SMPD4: variants seen among roughly 807,000 people sequenced by gnomAD.
SMPD4 encodes the protein neutral sphingomyelinase 3.
A neutral mutation model predicts 97.8 loss-of-function variants in SMPD4; 58 were observed. That is an observed-to-expected ratio of 0.59 (90% CI 0.48 to 0.74). The LOEUF is 0.74. Ranked by LOEUF, SMPD4 falls within the 30% of genes least tolerant of loss-of-function variation. The pLI is 0.00. For synonymous variants in SMPD4, 388 were observed against 450.0 expected, an observed-to-expected ratio of 0.86 and a Z score of 1.74; for missense variants, 853 against 1,080.5, an observed-to-expected ratio of 0.79 and a Z score of 2.95.
intron 13 of SMPD4, 24 bp from the exon 14 acceptor site, chr2:130,156,159 G>A (rs1441604390): frequency 1.3e-6 from 2 of 1,584,652 alleles, no homozygotes; most frequent in Admixed American, 1.7e-5. Flanking sequence ...GTGTGCTAAG[G>A]GCTCCGTGGC....
intron 11 of SMPD4, among the ~76,000 whole-genome samples, chr2:130,159,916 T>C (rs1303237057): frequency 1.3e-5 from 2 of 152,106 alleles, no homozygotes; most frequent in Non-Finnish European, 2.9e-5. Flanking sequence ...TTCCGAAGGG[T>C]CTGGAGGGCC....
At chr2:130,176,396 G>C (rs528855634) in intron 2 of SMPD4, among the ~76,000 whole-genome samples, 158 bp downstream of exon 2, 85 of 152,298 alleles carry the variant, frequency 5.6e-4, no homozygotes, top group Non-Finnish European at 1.1e-3. Flanking sequence ...GTAGTAATAA[G>C]GAGGCACAGT....
At chr2:130,181,165 G>C (rs375080112) in intron 1 of SMPD4, 22 of 737,652 alleles carry the variant, frequency 3.0e-5, no homozygotes, top group Non-Finnish European at 3.9e-5. Flanking sequence ...GCACACAGGG[G>C]AAGGGTCGAG....
Position 130,161,205 on chromosome 2 carries a change from T to C in SMPD4, c.932A>G (p.Gln311Arg). ...ALYSPAQPSL[Q>R]ALHAYQESFT... Reference sequence around the variant, plus strand: ...CAGTACTTGGTAGGCGTGGAGGGCCTGGAGGCTGGGTTGGGCGGGGCTGTA... The same window carrying C: ...CAGTACTTGGTAGGCGTGGAGGGCCCGGAGGCTGGGTTGGGCGGGGCTGTA... Residue 311 changes from glutamine to arginine, a missense_variant, in exon 11 of 20, where the codon CAG becomes CGG. By Grantham distance (43) the Gln-to-Arg change is conservative. Coordinates refer to ENST00000680298, the MANE Select transcript of SMPD4 (RefSeq NM_017951.5). 1 of 1,613,502 alleles carries C rather than the reference T, an allele frequency of 6.2e-7. No individual in the cohort carries two copies. Among genetic ancestry groups the C allele is most frequent in the African/African-American group, 1.3e-5 (1 of 74,992 alleles).
At chr2:130,161,301 A>AGAG (rs1387328199) in intron 10 of SMPD4, 29 bp from the exon 11 acceptor site, 11 of 1,602,490 alleles carry the variant, frequency 6.9e-6, no homozygotes, top group Non-Finnish European at 8.6e-6. Flanking sequence ...AGATGCCGGA[A>AGAG]GAGGCCGAAG....
chr2:130,161,298 G>C (rs373161005), intron 10 of SMPD4, 26 bp from the exon 11 acceptor site: 54 of 1,606,382 alleles, frequency 3.4e-5, no homozygotes, highest in Non-Finnish European at 4.4e-5. Context: ...GAGAGATGCC[G>C]GAAGAGGCCG....
At chr2:130,177,211 G>A (rs1159395501) in intron 1 of SMPD4, among the ~76,000 whole-genome samples, 4 of 152,204 alleles carry the variant, frequency 2.6e-5, no homozygotes, top group African/African-American at 9.7e-5. Context: ...CTCCCAACTA[G>A]CGGGAACTAC....
chr2:130,167,120 TTTTTC>T (rs369943630), intron 9 of SMPD4, among the ~76,000 whole-genome samples: 2 of 151,266 alleles, frequency 1.3e-5, no homozygotes, highest in African/African-American at 4.8e-5. Flanking sequence ...GTTTCTTTTC[TTTTTC>T]TTTTTTTTTT....
chr2:130,172,084 AAC>A (rs1429191154), intron 8 of SMPD4, among the ~76,000 whole-genome samples: 1 of 152,186 alleles, frequency 6.6e-6, no homozygotes, highest in Admixed American at 6.5e-5. Context: ...CTCCATGCAC[AAC>A]ACAGCCCATT....
At chr2:130,159,035 T>A (rs1687130954) in intron 11 of SMPD4, among the ~76,000 whole-genome samples, 2 of 152,112 alleles carry the variant, frequency 1.3e-5, no homozygotes, top group Admixed American at 1.3e-4. Flanking sequence ...GGTCTCACTC[T>A]GTCACCCGCG....
At chr2:130,159,743 T>G (rs1687205947) in intron 11 of SMPD4, 1 of 151,446 alleles carries the variant, frequency 6.6e-6, no homozygotes. Context: ...TAGACCAGGG[T>G]CTTTCTCCTC....
In SMPD4 at chr2:130,155,261, TG is replaced by T. The variant is rs1278760633; in HGVS notation, c.1290-3del. On this transcript the variant is annotated splice_polypyrimidine_tract_variant and splice_region_variant and intron_variant, in intron 14 of 19. Coordinates refer to ENST00000680298, the MANE Select transcript of SMPD4 (RefSeq NM_017951.5). ...AGGTTCTCCTGGACAAAGGGTGCCC[TG>T]GGGACCGAGGTGGCAGGTTGGGGCC... 2.5e-6 allele frequency: 4 copies of T among 1,613,860 alleles called. No individual in the cohort carries two copies. The South Asian group carries it at 4.4e-5, about 18-fold the overall frequency.
At chr2:130,173,779 G>A in intron 3 of SMPD4, 123 bp from the exon 4 acceptor site, 2 of 1,293,020 alleles carry the variant, frequency 1.5e-6, no homozygotes, top group African/African-American at 1.5e-5. Flanking sequence ...AGACCTATGG[G>A]ATCAGCCCTG....
At chr2:130,180,348 C>G (rs1689433659) in intron 1 of SMPD4, among the ~76,000 whole-genome samples, 1 of 151,900 alleles carries the variant, frequency 6.6e-6, no homozygotes, top group Non-Finnish European at 1.5e-5. Context: ...TCTCAGCTCA[C>G]TGCAACCTCC....
rs762373968 is a variant in SMPD4 at position 130,176,649 on chromosome 2, CAA to C, written c.-45-14_-45-13del. ...TTCTTAGCAAACCACTGTGGAAAAA[CAA>C]AGACAAAATCTCAACATCTGTAACA... On this transcript the variant is annotated splice_polypyrimidine_tract_variant and intron_variant, in intron 1 of 19. Transcript: ENST00000680298. 1.2e-6 allele frequency: 2 copies of C among 1,604,496 alleles called. No individual in the cohort carries two copies. The highest frequency in any genetic ancestry group is 1.7e-6 in the Non-Finnish European group (2 of 1,173,664).
chr2:130,181,726 G>T (rs1449352217), upstream of SMPD4: 16 of 1,549,012 alleles, frequency 1.0e-5, no homozygotes, highest in African/African-American at 1.4e-5. Context: ...GAAATGGCGA[G>T]GCAGGAGTGC....
At chr2:130,176,956 T>C (rs769066226) in intron 1 of SMPD4, among the ~76,000 whole-genome samples, 45 of 152,182 alleles carry the variant, frequency 3.0e-4, no homozygotes, top group Non-Finnish European at 5.3e-4. Context: ...CTCCTAAGTG[T>C]TGGGGTTACA....
Position 130,156,078 on chromosome 2 carries a change from C to G in SMPD4, c.1246G>C (p.Ala416Pro). ...QPWRYAPDKQAPGSDSQPRCV... is the reference protein window; with the variant it reads ...QPWRYAPDKQPPGSDSQPRCV... ...CGGGGCTGGGAGTCGCTGCCCGGAG[C>G]CTGCTTGTCAGGCGCGTACCGCCAC... The change falls in exon 14 of 20, where the codon GCT becomes CCT. Residue 416 changes from alanine to proline, a missense_variant. By Grantham distance (27) the Ala-to-Pro change is conservative. Coordinates refer to ENST00000680298, the MANE Select transcript of SMPD4 (RefSeq NM_017951.5). The G allele has an allele frequency of 4.3e-6, 7 of 1,611,430 alleles. No individual in the cohort carries two copies. Among genetic ancestry groups the G allele is most frequent in the South Asian group, 1.1e-5 (1 of 91,000 alleles).
intron 8 of SMPD4, 135 bp from the exon 9 acceptor site, chr2:130,167,725 A>C: frequency 1.2e-6 from 1 of 843,390 alleles, no homozygotes; most frequent in South Asian, 2.1e-5. Flanking sequence ...CACAATGCAC[A>C]CCTCCCCCCA....
Sources: allele counts gnomAD v4.1 joint callset (sites outside exome capture counted in the v4.1 genomes callset), GRCh38; gene constraint gnomAD v4.1.1; transcripts MANE v1.5; gene names NCBI Gene and HGNC (gene_info 2026-07-23, HGNC 2026-07-21).